JADE2: variants seen among roughly 807,000 people sequenced by gnomAD.
JADE2 encodes jade family PHD finger 2, also known as E3 ubiquitin-protein ligase Jade-2.
JADE2 carries 13 observed loss-of-function variants against 85.7 expected under a neutral mutation model. That is an observed-to-expected ratio of 0.15 (90% CI 0.10 to 0.24). The LOEUF is 0.24. JADE2 is among the 10% of genes least tolerant of loss of function. The probability of loss-of-function intolerance (pLI) is 1.00; values close to 1 mark genes in which losing one functional copy is unlikely to be tolerated. For synonymous variants in JADE2, 440 were observed against 456.1 expected (o/e 0.96, Z 0.45); for missense variants, 846 against 1,115.9 (o/e 0.76, Z 3.45).
At chr5:134,543,575 G>T (rs1463504083) in intron 3 of JADE2, among the ~76,000 whole-genome samples, 1 of 152,122 alleles carries the variant, frequency 6.6e-6, no homozygotes, top group African/African-American at 2.4e-5. Flanking sequence ...TACTCAGGAG[G>T]TTGAGGCAGG....
rs1376910691 is a variant in JADE2, at chr5:134,525,932, G to T, written c.-80G>T. 1.0e-4 allele frequency: 101 copies of T among 985,778 alleles called. No individual in the cohort carries two copies. The highest frequency in any genetic ancestry group is 1.2e-4 in the Non-Finnish European group (100 of 830,532). 61.1% of individuals were successfully genotyped at this position (985,778 alleles called of 1,614,324 possible). ...GCCGGCCCCAGGAGCTCCCGGCTTC[G>T]GGAGCATCCTTCCCGCGCCGGTCCC... is the stretch of plus-strand genomic sequence containing the variant. On this transcript the variant is annotated 5_prime_UTR_variant, in exon 1 of 12. Transcript: ENST00000681547.
At chr5:134,570,893 T>G (rs1260931821) in intron 9 of JADE2, among the ~76,000 whole-genome samples, 1 of 152,190 alleles carries the variant, frequency 6.6e-6, no homozygotes, top group African/African-American at 2.4e-5. Flanking sequence ...CCTTTTGAGC[T>G]CCACACCAAG....
Position 134,525,981 on chromosome 5 carries a change from A to G in JADE2, c.-31A>G. The G allele has an allele frequency of 2.0e-6, 2 of 985,520 alleles. No homozygotes were observed. The highest frequency in any genetic ancestry group is 2.4e-6 in the Non-Finnish European group (2 of 830,098). The allele number at this position is 985,520 out of a possible 1,614,324, so 61.0% of individuals were successfully genotyped here. A position where few individuals can be genotyped will look rare whatever the true frequency, so the allele number is the denominator to read the frequency against. On this transcript the variant is annotated 5_prime_UTR_variant, in exon 1 of 12. Transcript: ENST00000681547. ...CCTGCAGCGGCGCGTAGCCGAGGGCAGCGCCCGTCAGGGGGGCACCGCGGA... is the reference window on the plus strand; with the variant it reads ...CCTGCAGCGGCGCGTAGCCGAGGGCGGCGCCCGTCAGGGGGGCACCGCGGA...
chr5:134,554,758 C>T (rs1262815623), intron 4 of JADE2, among the ~76,000 whole-genome samples: 4 of 152,150 alleles, frequency 2.6e-5, no homozygotes, highest in Non-Finnish European at 4.4e-5. Flanking sequence ...TATCTCCCTC[C>T]GGCCCAGCCA....
intron 1 of JADE2, among the ~76,000 whole-genome samples, chr5:134,535,501 G>A (rs1761529713): frequency 6.6e-6 from 1 of 152,190 alleles, no homozygotes; most frequent in Non-Finnish European, 1.5e-5. Context: ...GGCCTTTGCA[G>A]TGGTGGGCCT....
At chr5:134,549,468 C>T (rs1762481424) in intron 3 of JADE2, among the ~76,000 whole-genome samples, 2 of 152,164 alleles carry the variant, frequency 1.3e-5, no homozygotes, top group South Asian at 2.1e-4. Flanking sequence ...CGAGACCAGC[C>T]TGGCCAACAT....
At chr5:134,552,018 C>T (rs1343318887) in intron 3 of JADE2, 34 bp from the exon 4 acceptor site, 3 of 1,613,516 alleles carry the variant, frequency 1.9e-6, no homozygotes, top group African/African-American at 1.3e-5. Context: ...CTGAGGCAGT[C>T]TGAAGTCACT....
At position 134,568,582 on chromosome 5, in the gene JADE2, T is replaced by C. The variant is rs576280388; in HGVS notation, c.1434+2002T>C. On this transcript the variant is annotated intron_variant, in intron 9 of 11. Coordinates refer to ENST00000681547, the MANE Select transcript of JADE2 (RefSeq NM_001388185.1). ...CTGGGAAGAGGAAGCAGGGCCAATT[T>C]TGAAGTATGTGCAGCCTCTTACGGC... 3.3e-5 allele frequency among the ~76,000 whole-genome samples: 5 copies of C among 152,182 alleles called. No homozygotes were observed. The South Asian group carries it at 8.3e-4, about 25-fold the overall frequency.
intron 3 of JADE2, among the ~76,000 whole-genome samples, chr5:134,539,148 G>A (rs1333481437): frequency 2.0e-5 from 3 of 151,710 alleles, no homozygotes; most frequent in South Asian, 2.1e-4. Context: ...TGCAAGCTCC[G>A]CCTCTTGGGT....
intron 9 of JADE2, among the ~76,000 whole-genome samples, chr5:134,567,925 C>T (rs1390969077): frequency 6.6e-6 from 1 of 152,208 alleles, no homozygotes; most frequent in Non-Finnish European, 1.5e-5. Context: ...CCACCACCTC[C>T]TGGCCAGCCC....
chr5:134,552,789 C>T (rs1762669145), intron 4 of JADE2, among the ~76,000 whole-genome samples: 1 of 151,092 alleles, frequency 6.6e-6, no homozygotes, highest in Non-Finnish European at 1.5e-5. Flanking sequence ...CCTCCCACCT[C>T]AGCCTCCCAA....
At position 134,564,474 on chromosome 5, in the gene JADE2, GC is replaced by G; in HGVS notation, c.853-15del. 4.6e-6 allele frequency: 7 copies of G among 1,517,390 alleles called. No individual in the cohort carries two copies. Among genetic ancestry groups the G allele is most frequent in the East Asian group, 2.3e-5 (1 of 42,830 alleles). The allele number at this position is 1,517,390 out of a possible 1,614,324, so 94.0% of individuals were successfully genotyped here. A position where few individuals can be genotyped will look rare whatever the true frequency, so the allele number is the denominator to read the frequency against. ...GGCTGGGGATGAGAGGAATGATGCA[GC>G]CCCCTGTGTCCTGCCCAGGTCAGCA... On this transcript the variant is annotated intron_variant, in intron 7 of 11. Transcript: ENST00000681547.
chr5:134,561,076 G>A (rs1763294676), intron 6 of JADE2, 119 bp downstream of exon 6: 2 of 830,762 alleles, frequency 2.4e-6, no homozygotes, highest in African/African-American at 1.7e-5. Context: ...GGAGGAGGAA[G>A]GGAATGGTGA....
chr5:134,559,231 C>G (rs1393201835), intron 4 of JADE2, among the ~76,000 whole-genome samples: 2 of 152,180 alleles, frequency 1.3e-5, no homozygotes, highest in African/African-American at 4.8e-5. Context: ...CCTCCTGACA[C>G]CAGAGGAGAC....
chr5:134,542,697 C>G (rs1762043454), intron 3 of JADE2, among the ~76,000 whole-genome samples: 2 of 151,904 alleles, frequency 1.3e-5, no homozygotes, highest in Non-Finnish European at 2.9e-5. Context: ...CTGCCTCGGC[C>G]CCCCAGAGTG....
rs777790775 is a variant in JADE2, at chr5:134,562,211, G to T, written c.696G>T (p.Gly232=). 5 of 1,611,830 alleles carry T rather than the reference G, an allele frequency of 3.1e-6. No homozygotes were observed. The South Asian group carries it at 5.5e-5, about 18-fold the overall frequency. ...CNVCVHQACY[G]ILKVPTGSWL... is the part of the protein sequence containing the mutation. ...CTGCTCTCTCCTAGGCATGCTACGG[G>T]ATCCTCAAGGTGCCCACGGGCAGCT... is the stretch of plus-strand genomic sequence containing the variant. The change falls in exon 7 of 12, where the codon GGG becomes GGT. Residue 232 remains glycine, a synonymous_variant. Transcript: ENST00000681547. The surrounding 1 kb of genome is among the most constrained non-coding windows in gnomAD (Gnocchi z 4.6).
At chr5:134,535,724 G>A (rs1434327878) in intron 1 of JADE2, 134 bp from the exon 2 acceptor site, 4 of 725,078 alleles carry the variant, frequency 5.5e-6, no homozygotes, top group Non-Finnish European at 9.6e-6. Flanking sequence ...CAGAGAAGAA[G>A]GCTAGGACAG....
At chr5:134,543,351 G>A (rs910939063) in intron 3 of JADE2, among the ~76,000 whole-genome samples, 4 of 149,320 alleles carry the variant, frequency 2.7e-5, no homozygotes, top group Non-Finnish European at 4.4e-5. Flanking sequence ...TTTTTAACAA[G>A]ACCTGCTATT....
chr5:134,529,349 A>G (rs1215785912), intron 1 of JADE2, among the ~76,000 whole-genome samples: 1 of 152,192 alleles, frequency 6.6e-6, no homozygotes, highest in Non-Finnish European at 1.5e-5. Flanking sequence ...GACAGCCCAT[A>G]GGAATCTAGA....
Sources: allele counts gnomAD v4.1 joint callset (sites outside exome capture counted in the v4.1 genomes callset), GRCh38; gene constraint gnomAD v4.1.1; non-coding constraint Gnocchi (gnomAD v3.1); transcripts MANE v1.5; gene names NCBI Gene and HGNC (gene_info 2026-07-23, HGNC 2026-07-21).